The following AP2B1 variants were observed in gnomAD, a reference collection of about 807,000 sequenced individuals.
The protein encoded by AP2B1 is AP-2 complex subunit beta.
A neutral mutation model predicts 102.0 loss-of-function variants in AP2B1; 23 were observed. That is an observed-to-expected ratio of 0.23 (90% CI 0.16 to 0.32). The LOEUF is 0.32. Ranked by LOEUF, AP2B1 falls within the 10% of genes least tolerant of loss-of-function variation. The probability of loss-of-function intolerance (pLI) is 1.00; values close to 1 mark genes in which losing one functional copy is unlikely to be tolerated. For synonymous variants in AP2B1, 381 were observed against 421.2 expected, an observed-to-expected ratio of 0.90 and a Z score of 1.17; for missense variants, 541 against 1,157.4, an observed-to-expected ratio of 0.47 and a Z score of 7.73.
At chr17:35,588,250 G>T (rs1180291874) in intron 1 of AP2B1, among the ~76,000 whole-genome samples, 3 of 137,780 alleles carry the variant, frequency 2.2e-5, no homozygotes, top group East Asian at 5.2e-4. Context: ...GGTGGGGGGG[G>T]ACAGGCCTTT....
chr17:35,629,062 C>T (rs1329392655), intron 9 of AP2B1, among the ~76,000 whole-genome samples: 1 of 152,096 alleles, frequency 6.6e-6, no homozygotes, highest in Non-Finnish European at 1.5e-5. Flanking sequence ...GACTCTTATG[C>T]CTCAGCCTCC....
chr17:35,631,736 A>G (rs371090359), intron 9 of AP2B1, among the ~76,000 whole-genome samples: 26 of 152,150 alleles, frequency 1.7e-4, no homozygotes, highest in African/African-American at 6.3e-4. Flanking sequence ...CTTTTTCCAA[A>G]TGGTGGTATA....
chr17:35,685,150 CTTCTT>C (rs2075904464), intron 18 of AP2B1, among the ~76,000 whole-genome samples: 1 of 152,186 alleles, frequency 6.6e-6, no homozygotes, highest in Non-Finnish European at 1.5e-5. Context: ...CATGGATTCT[CTTCTT>C]TTGGGGATGT....
intron 20 of AP2B1, among the ~76,000 whole-genome samples, chr17:35,711,481 C>T (rs1045119379): frequency 2.7e-5 from 4 of 149,852 alleles, no homozygotes; most frequent in Middle Eastern, 3.5e-3. Context: ...CCCCACTCCC[C>T]GGCCCAAGAT....
At chr17:35,663,054 A>G (rs1297125201) in intron 14 of AP2B1, among the ~76,000 whole-genome samples, 1 of 152,130 alleles carries the variant, frequency 6.6e-6, no homozygotes. Flanking sequence ...GTCATAAGCT[A>G]TTTATTAATA....
chr17:35,630,760 C>G lies in AP2B1; in HGVS notation c.1155+3034C>G, dbSNP rs139645012. ...GCTTTCACTTCTTCCTTTGACTAAG[C>G]GTGCTTTGATGGGAGTATGACAGGA... On this transcript the variant is annotated intron_variant, in intron 9 of 21. Transcript: ENST00000610402. 7.8e-3 allele frequency among the ~76,000 whole-genome samples: 1,192 copies of G among 152,226 alleles called. 15 individuals are homozygous for G. The highest frequency in any genetic ancestry group is 0.027 in the African/African-American group (1,104 of 41,522).
intron 3 of AP2B1, among the ~76,000 whole-genome samples, chr17:35,599,927 AAAAC>A (rs1222742514): frequency 6.6e-6 from 1 of 152,142 alleles, no homozygotes; most frequent in Non-Finnish European, 1.5e-5. Context: ...AAAAAACAAA[AAAAC>A]AAAATAGAAT....
chr17:35,604,697 G>T (rs982314157), intron 3 of AP2B1, among the ~76,000 whole-genome samples: 4 of 152,164 alleles, frequency 2.6e-5, no homozygotes, highest in Non-Finnish European at 4.4e-5. Context: ...GGCAGTGGTT[G>T]CAGGAAGCAA....
chr17:35,688,706 G>A (rs1427426200), intron 18 of AP2B1, among the ~76,000 whole-genome samples: 1 of 152,158 alleles, frequency 6.6e-6, no homozygotes, highest in Non-Finnish European at 1.5e-5. Flanking sequence ...GCTCACACGT[G>A]TAACTCCAGC....
At chr17:35,681,713 A>G (rs892555225) in intron 17 of AP2B1, among the ~76,000 whole-genome samples, 26 of 152,108 alleles carry the variant, frequency 1.7e-4, no homozygotes, top group African/African-American at 6.0e-4. Context: ...TCAGGGTGGA[A>G]ATTCTTAATT....
chr17:35,685,160 G>A (rs942929659), intron 18 of AP2B1, among the ~76,000 whole-genome samples: 5 of 152,216 alleles, frequency 3.3e-5, no homozygotes, highest in Admixed American at 3.3e-4. Context: ...CTTCTTTTGG[G>A]GATGTCATAA....
intron 18 of AP2B1, among the ~76,000 whole-genome samples, chr17:35,696,986 C>A (rs2076153358): frequency 6.6e-6 from 1 of 152,134 alleles, no homozygotes. Context: ...AAGTATTAAC[C>A]AGCATCAGAT....
At chr17:35,637,850 A>G (rs1418911272) in intron 10 of AP2B1, among the ~76,000 whole-genome samples, 1 of 151,678 alleles carries the variant, frequency 6.6e-6, no homozygotes, top group Non-Finnish European at 1.5e-5. Flanking sequence ...ACACCCGGCT[A>G]ATTTTTGTAT....
At chr17:35,717,391 G>C in intron 21 of AP2B1, 42 bp downstream of exon 21, 1 of 1,609,992 alleles carries the variant, frequency 6.2e-7, no homozygotes, top group Non-Finnish European at 8.5e-7. Context: ...TTAGAGGAGG[G>C]AGGTGAGAGC....
intron 18 of AP2B1, among the ~76,000 whole-genome samples, chr17:35,694,079 T>C (rs1335411425): frequency 2.6e-5 from 4 of 152,228 alleles, no homozygotes; most frequent in African/African-American, 9.6e-5. Flanking sequence ...GTTATGTTCA[T>C]TGACACCAAT....
intron 13 of AP2B1, among the ~76,000 whole-genome samples, chr17:35,653,018 A>G (rs925378418): frequency 2.0e-5 from 3 of 152,098 alleles, no homozygotes; most frequent in Admixed American, 6.5e-5. Flanking sequence ...TAGCTTTCCT[A>G]GATTGTATTT....
chr17:35,674,374 C>A (rs989928445), intron 17 of AP2B1, 53 bp downstream of exon 17: 1 of 1,597,126 alleles, frequency 6.3e-7, no homozygotes, highest in Middle Eastern at 1.7e-4. Flanking sequence ...TGCCTTAGAA[C>A]CAACAAGAGA....
At chr17:35,716,951 G>T (rs587645039) in intron 20 of AP2B1, among the ~76,000 whole-genome samples, 45 of 152,308 alleles carry the variant, frequency 3.0e-4, no homozygotes, top group Admixed American at 8.5e-4. Flanking sequence ...AAGGTAACTC[G>T]CACTAAACCA....
chr17:35,601,628 G>T (rs993038569), intron 3 of AP2B1, among the ~76,000 whole-genome samples: 4 of 152,016 alleles, frequency 2.6e-5, no homozygotes, highest in African/African-American at 9.7e-5. Flanking sequence ...CTCATGGATT[G>T]TACAAAAATC....
Sources: gnomAD v4.1 joint callset for allele counts (sites outside exome capture counted in the v4.1 genomes callset) on GRCh38, gnomAD v4.1.1 for gene constraint, MANE v1.5 for transcripts, NCBI Gene and HGNC (gene_info 2026-07-23, HGNC 2026-07-21) for gene names.